The following SMIM31 variants were observed in gnomAD, a reference collection of about 807,000 sequenced individuals.
SMIM31 encodes the protein small integral membrane protein 31, also known as human epithelial cell program regulator.
intron 2 of SMIM31, among the ~76,000 whole-genome samples, chr4:164,771,845 C>T (rs965466045): frequency 2.6e-5 from 4 of 151,998 alleles, no homozygotes; most frequent in African/African-American, 4.8e-5. Flanking sequence ...AGAATCCACT[C>T]AACCTGGAAA....
At position 164,781,663 on chromosome 4, in the gene SMIM31, G is replaced by A. The variant is rs77787462; in HGVS notation, c.112+11108G>A. Among the ~76,000 whole-genome samples the A allele has an allele frequency of 3.3e-5, 5 of 152,184 alleles. No individual in the cohort carries two copies. In the East Asian group the frequency reaches 5.8e-4, roughly 18 times the overall value. ...ATGTTGCACTTCCCCAACCCACCTC[G>A]TTGTGGCAACCGATAATGTCTCCAG... On this transcript the variant is annotated intron_variant, in intron 2 of 2. Transcript: ENST00000507311.
chr4:164,792,976 T>C (rs1733122981), intron 2 of SMIM31, among the ~76,000 whole-genome samples: 1 of 152,106 alleles, frequency 6.6e-6, no homozygotes, highest in South Asian at 2.1e-4. Context: ...AAGGGTCTCC[T>C]CTTCAACAAC....
chr4:164,764,179 G>A (rs1212734975), intron 1 of SMIM31, among the ~76,000 whole-genome samples: 1 of 152,112 alleles, frequency 6.6e-6, no homozygotes, highest in Non-Finnish European at 1.5e-5. Flanking sequence ...CTAGTGATGA[G>A]GAACTCACTA....
chr4:164,779,448 CTG>C (rs759126377), intron 2 of SMIM31, among the ~76,000 whole-genome samples: 23 of 152,322 alleles, frequency 1.5e-4, no homozygotes, highest in South Asian at 6.2e-4. Flanking sequence ...AAAGACCAAA[CTG>C]AGATTAGTGG....
intron 1 of SMIM31, among the ~76,000 whole-genome samples, chr4:164,763,047 A>G (rs10013044): frequency 0.6 from 91,671 of 151,948 alleles, 27,863 homozygotes; most frequent in Admixed American, 0.65. Flanking sequence ...AAGACAAAAG[A>G]CATAAAGAAA....
chr4:164,776,936 T>C (rs111382865), intron 2 of SMIM31, among the ~76,000 whole-genome samples: 5,377 of 152,260 alleles, frequency 0.035, 318 homozygotes, highest in African/African-American at 0.12. Flanking sequence ...AGGCAGGTAT[T>C]GTTATAATGC....
chr4:164,780,150 G>A (rs1029496219), intron 2 of SMIM31, among the ~76,000 whole-genome samples: 3 of 152,124 alleles, frequency 2.0e-5, no homozygotes, highest in Non-Finnish European at 4.4e-5. Context: ...AATAGTGGCC[G>A]GGCGCGGTGG....
At chr4:164,784,391 G>A (rs1259966920) in intron 2 of SMIM31, among the ~76,000 whole-genome samples, 1 of 152,160 alleles carries the variant, frequency 6.6e-6, no homozygotes, top group Admixed American at 6.5e-5. Context: ...GTTCTTGATA[G>A]TATTATATGT....
At chr4:164,771,021 G>A (rs1014868844) in intron 2 of SMIM31, among the ~76,000 whole-genome samples, 6 of 152,148 alleles carry the variant, frequency 3.9e-5, no homozygotes, top group Non-Finnish European at 8.8e-5. Flanking sequence ...ATATGTGTGT[G>A]TAAATATACA....
intron 2 of SMIM31, among the ~76,000 whole-genome samples, chr4:164,778,611 C>T (rs754024335): frequency 8.5e-5 from 13 of 152,174 alleles, no homozygotes; most frequent in Non-Finnish European, 1.8e-4. Flanking sequence ...CTCCTTTCAT[C>T]CCTATGACCA....
At chr4:164,798,383 A>G (rs1158934035) in intron 2 of SMIM31, among the ~76,000 whole-genome samples, 3 of 151,158 alleles carry the variant, frequency 2.0e-5, no homozygotes, top group East Asian at 1.9e-4. Flanking sequence ...ACAGGCGCCC[A>G]CCACCATGCC....
In SMIM31 at chr4:164,783,232, A is replaced by AAAAAAT. The variant is rs147369524; in HGVS notation, c.112+12677_112+12678insAAAAAT. Among the ~76,000 whole-genome samples the AAAAAAT allele has an allele frequency of 8.6e-5, 11 of 127,274 alleles. No homozygotes were observed. In the East Asian group the frequency reaches 2.1e-3, roughly 24 times the overall value. 83.5% of individuals were successfully genotyped at this position (127,274 alleles called of 152,430 possible). A position where few individuals can be genotyped will look rare whatever the true frequency, so the allele number is the denominator to read the frequency against. On this transcript the variant is annotated intron_variant, in intron 2 of 2. Transcript: ENST00000507311. ...GACTCTGTCTCAAAAAAAAAAAAAA[A>AAAAAAT]GGAATTTCTGGCCGGGTGCTGTGGC...
At chr4:164,779,420 G>C (rs910150797) in intron 2 of SMIM31, among the ~76,000 whole-genome samples, 1 of 152,162 alleles carries the variant, frequency 6.6e-6, no homozygotes, top group African/African-American at 2.4e-5. Flanking sequence ...GTAAAAGTGA[G>C]GAAAGCCCCT....
chr4:164,794,932 T>C (rs1166219821), intron 2 of SMIM31, among the ~76,000 whole-genome samples: 1 of 151,914 alleles, frequency 6.6e-6, no homozygotes, highest in East Asian at 1.9e-4. Context: ...TCTGGAAATA[T>C]ATATATAATG....
At chr4:164,762,639 G>A (rs1458275467) in intron 1 of SMIM31, among the ~76,000 whole-genome samples, 2 of 142,794 alleles carry the variant, frequency 1.4e-5, no homozygotes, top group East Asian at 2.0e-4. Context: ...CTCCAGTCTG[G>A]GCAACAGAGT....
intron 1 of SMIM31, among the ~76,000 whole-genome samples, chr4:164,760,336 G>T (rs1732629361): frequency 2.0e-5 from 3 of 152,138 alleles, no homozygotes; most frequent in African/African-American, 7.2e-5. Context: ...GACATTGAGA[G>T]ATCAGTTAAG....
intron 2 of SMIM31, among the ~76,000 whole-genome samples, chr4:164,772,300 A>G (rs1466792854): frequency 1.3e-5 from 2 of 152,142 alleles, no homozygotes; most frequent in Non-Finnish European, 2.9e-5. Flanking sequence ...CCATGACGAT[A>G]GCACCAAGGG....
At chr4:164,765,624 GAAAAA>G (rs200574845) in intron 1 of SMIM31, among the ~76,000 whole-genome samples, 2 of 94,506 alleles carry the variant, frequency 2.1e-5, no homozygotes, top group East Asian at 5.7e-4. Flanking sequence ...CTTTGTCTCA[GAAAAA>G]AAAAAAAAAA....
chr4:164,770,291 C>T (rs1031181215), intron 1 of SMIM31, 128 bp from the exon 2 acceptor site: 22 of 391,622 alleles, frequency 5.6e-5, no homozygotes, highest in Non-Finnish European at 8.6e-5. Flanking sequence ...TACATTGTTC[C>T]AGGTACACAG....
Sources: gnomAD v4.1 joint callset for allele counts (sites outside exome capture counted in the v4.1 genomes callset) on GRCh38, gnomAD v4.1.1 for gene constraint, MANE v1.5 for transcripts, NCBI Gene and HGNC (gene_info 2026-07-23, HGNC 2026-07-21) for gene names.